GALNTL6: variants seen among roughly 807,000 people sequenced by gnomAD.
GALNTL6 encodes polypeptide N-acetylgalactosaminyltransferase like 6.
Under a neutral mutation model 73.7 loss-of-function variants are expected in GALNTL6, and 46 were observed. The observed-to-expected ratio is 0.62, with a 90% CI of 0.49 to 0.80. GALNTL6 has a LOEUF of 0.80. Ranked by LOEUF, GALNTL6 falls within the 30% of genes least tolerant of loss-of-function variation. The pLI is 0.00. For synonymous variants in GALNTL6, 259 were observed against 263.7 expected (o/e 0.98, Z 0.17); for missense variants, 604 against 755.0 (o/e 0.80, Z 2.34).
intron 3 of GALNTL6, among the ~76,000 whole-genome samples, chr4:172,311,079 A>T (rs1034756876): frequency 3.9e-5 from 6 of 152,096 alleles, no homozygotes; most frequent in Admixed American, 6.5e-5. Flanking sequence ...GTGTCTCAGG[A>T]TGTGTCAAAA....
intron 9 of GALNTL6, among the ~76,000 whole-genome samples, 180 bp from the exon 10 acceptor site, chr4:172,951,857 A>G (rs1749459045): frequency 6.6e-6 from 1 of 152,374 alleles, no homozygotes; most frequent in Admixed American, 6.5e-5. Context: ...GTGAAGCCAC[A>G]GGCTAATTAT....
chr4:172,333,753 G>C (rs1393895512), intron 4 of GALNTL6, among the ~76,000 whole-genome samples: 1 of 152,098 alleles, frequency 6.6e-6, no homozygotes, highest in African/African-American at 2.4e-5. Context: ...GTCATAAATT[G>C]TTTGCCTAGA....
chr4:172,025,511 A>G (rs1376249732), intron 2 of GALNTL6, among the ~76,000 whole-genome samples: 1 of 152,020 alleles, frequency 6.6e-6, no homozygotes, highest in Non-Finnish European at 1.5e-5. Context: ...AGATAGAAAA[A>G]TGTGAAAATA....
intron 8 of GALNTL6, among the ~76,000 whole-genome samples, chr4:172,919,039 T>C (rs1365484679): frequency 1.3e-5 from 2 of 152,228 alleles, no homozygotes; most frequent in Non-Finnish European, 2.9e-5. Flanking sequence ...AGGCATTTAT[T>C]GCAATGCTGT....
At chr4:171,836,326 A>G (rs1014776590) in intron 2 of GALNTL6, among the ~76,000 whole-genome samples, 2 of 152,214 alleles carry the variant, frequency 1.3e-5, no homozygotes, top group African/African-American at 4.8e-5. Context: ...ATCAATGTAG[A>G]GGTGAGCTGA....
chr4:172,229,810 TG>T (rs1560980396), intron 3 of GALNTL6, 46 bp downstream of exon 3: 1 of 1,113,748 alleles, frequency 9.0e-7, no homozygotes, highest in Non-Finnish European at 1.4e-6. Context: ...CTCGCAGCAG[TG>T]TCTCATTTGT....
chr4:172,405,041 C>G (rs529581863), intron 5 of GALNTL6, among the ~76,000 whole-genome samples: 48 of 152,064 alleles, frequency 3.2e-4, no homozygotes, highest in Admixed American at 2.2e-3. Flanking sequence ...CATGTAATTA[C>G]TAAGAAAATG....
At chr4:172,300,109 G>A (rs1327799625) in intron 3 of GALNTL6, among the ~76,000 whole-genome samples, 12 of 152,134 alleles carry the variant, frequency 7.9e-5, no homozygotes, top group Middle Eastern at 3.4e-3. Flanking sequence ...GAATTGATCC[G>A]TTTACCATTA....
At chr4:172,348,832 A>G in intron 5 of GALNTL6, 143 bp downstream of exon 5, 1 of 488,864 alleles carries the variant, frequency 2.0e-6, no homozygotes. Context: ...GTGATTTCGT[A>G]AAATATTCAC....
At chr4:172,351,144 T>G (rs958766457) in intron 5 of GALNTL6, among the ~76,000 whole-genome samples, 3 of 151,140 alleles carry the variant, frequency 2.0e-5, no homozygotes, top group Admixed American at 6.6e-5. Context: ...GGAGAAGAGA[T>G]TCTCTTAATT....
intron 2 of GALNTL6, among the ~76,000 whole-genome samples, chr4:172,115,081 G>A (rs924938824): frequency 2.0e-5 from 3 of 152,010 alleles, no homozygotes; most frequent in African/African-American, 7.2e-5. Flanking sequence ...ATTCTTAAGA[G>A]CTCTATATCC....
intron 10 of GALNTL6, among the ~76,000 whole-genome samples, chr4:172,957,280 A>C (rs1170734465): frequency 6.6e-6 from 1 of 152,224 alleles, no homozygotes; most frequent in Non-Finnish European, 1.5e-5. Flanking sequence ...AGAGGTTCTA[A>C]GAAATGGGCT....
chr4:172,138,914 T>C (rs1478144574), intron 2 of GALNTL6, among the ~76,000 whole-genome samples: 1 of 152,096 alleles, frequency 6.6e-6, no homozygotes, highest in East Asian at 1.9e-4. Flanking sequence ...AATTATTTCT[T>C]CCTCTACTAA....
chr4:172,245,785 T>G (rs1240751484), intron 3 of GALNTL6, among the ~76,000 whole-genome samples: 1 of 152,128 alleles, frequency 6.6e-6, no homozygotes, highest in African/African-American at 2.4e-5. Flanking sequence ...AATGTGTGTG[T>G]TTACCCACTA....
chr4:172,034,395 C>CGT (rs1180185966), intron 2 of GALNTL6, among the ~76,000 whole-genome samples: 5,525 of 139,412 alleles, frequency 0.04, 179 homozygotes, highest in Non-Finnish European at 0.061. Context: ...GGGGAGCGTG[C>CGT]GTGCGTGTGT....
intron 6 of GALNTL6, among the ~76,000 whole-genome samples, chr4:172,810,721 A>G (rs1049027119): frequency 6.6e-6 from 1 of 152,196 alleles, no homozygotes; most frequent in African/African-American, 2.4e-5. Context: ...CAGTTATCCT[A>G]ATCAACTGAA....
intron 2 of GALNTL6, among the ~76,000 whole-genome samples, chr4:171,940,028 G>T (rs890333388): frequency 6.6e-6 from 1 of 151,812 alleles, no homozygotes; most frequent in Non-Finnish European, 1.5e-5. Flanking sequence ...CTCACTGTAC[G>T]GTCTTCGACA....
intron 5 of GALNTL6, among the ~76,000 whole-genome samples, chr4:172,723,223 A>C (rs1467527632): frequency 1.3e-5 from 2 of 152,176 alleles, no homozygotes; most frequent in South Asian, 2.1e-4. Context: ...CTTAATTTTA[A>C]TACTGTAAAG....
intron 5 of GALNTL6, among the ~76,000 whole-genome samples, chr4:172,657,926 G>A (rs1398217981): frequency 2.0e-5 from 3 of 151,652 alleles, no homozygotes; most frequent in Admixed American, 6.6e-5. Flanking sequence ...CGAGGCAGGC[G>A]GATCACGAGG....
Sources: allele counts gnomAD v4.1 joint callset (sites outside exome capture counted in the v4.1 genomes callset), GRCh38; gene constraint gnomAD v4.1.1; transcripts MANE v1.5; gene names NCBI Gene and HGNC (gene_info 2026-07-23, HGNC 2026-07-21).